Variants in ASAP2 observed in about 807,000 individuals in gnomAD.
The protein encoded by ASAP2 is arf-GAP with SH3 domain, ANK repeat and PH domain-containing protein 2.
Under a neutral mutation model 131.4 loss-of-function variants are expected in ASAP2, and 45 were observed. The ratio of observed to expected loss-of-function variants is 0.34; its 90% CI spans 0.27 to 0.44. The LOEUF is 0.44. ASAP2 is among the 20% of genes least tolerant of loss of function. The pLI is 1.00. For missense variants in ASAP2, 1,011 were observed against 1,297.0 expected (o/e 0.78, Z 3.39); for synonymous variants, 510 against 503.0 (o/e 1.01, Z -0.19).
chr2:9,355,873 G>A (rs987570460), intron 12 of ASAP2, among the ~76,000 whole-genome samples, 174 bp from the exon 13 acceptor site: 1 of 152,262 alleles, frequency 6.6e-6, no homozygotes, highest in African/African-American at 2.4e-5. Flanking sequence ...GAATGCCACC[G>A]TTGGTGAAGG....
At chr2:9,327,676 G>A (rs3811598) in intron 6 of ASAP2, 150 bp from the exon 7 acceptor site, 25 of 562,518 alleles carry the variant, frequency 4.4e-5, no homozygotes, top group African/African-American at 8.1e-5. Context: ...AAACGGTTAC[G>A]GAATCCAGGC....
At chr2:9,319,554 G>A (rs527650022) in intron 4 of ASAP2, among the ~76,000 whole-genome samples, 1 of 152,380 alleles carries the variant, frequency 6.6e-6, no homozygotes, top group South Asian at 2.1e-4. Flanking sequence ...AGTGCTGCAT[G>A]TCAGGCTGCC....
Position 9,393,478 on chromosome 2 carries a change from G to C in ASAP2, c.2519-4G>C. ...CTCTGCACGTCTCTCCCTGTCCTCC[G>C]CAGATCCCCTGACCCCCACGCCGCC... On this transcript the variant is annotated splice_region_variant and splice_polypyrimidine_tract_variant and intron_variant, in intron 23 of 27. Coordinates refer to ENST00000281419, the MANE Select transcript of ASAP2 (RefSeq NM_003887.3). The C allele has an allele frequency of 1.2e-6, 2 of 1,603,138 alleles. No homozygotes were observed. Among genetic ancestry groups the C allele is most frequent in the Non-Finnish European group, 1.7e-6 (2 of 1,175,112 alleles).
Position 9,380,809 on chromosome 2 carries a change from G to C in ASAP2, c.2016+1G>C. 3 of 1,613,944 alleles carry C rather than the reference G, an allele frequency of 1.9e-6. No homozygotes were observed. Among genetic ancestry groups the C allele is most frequent in the Non-Finnish European group, 2.5e-6 (3 of 1,179,974 alleles). On this transcript the variant is annotated splice_donor_variant, in intron 20 of 27. Transcript: ENST00000281419. LOFTEE classifies it high-confidence loss of function. The stretch of plus-strand genomic sequence containing the variant: ...CAAGCACGAGCACTGTGAGGAGCTG[G>C]TGAGTCTCCCACCACAAGGACGGGG...
chr2:9,358,728 C>T, intron 14 of ASAP2, 28 bp from the exon 15 acceptor site: 1 of 1,596,930 alleles, frequency 6.3e-7, no homozygotes, highest in Non-Finnish European at 8.5e-7. Context: ...TTACTGGAAG[C>T]TCAAATCTGC....
At chr2:9,277,477 A>G (rs532889437) in intron 1 of ASAP2, among the ~76,000 whole-genome samples, 2 of 152,392 alleles carry the variant, frequency 1.3e-5, no homozygotes, top group East Asian at 1.9e-4. Context: ...TTAACTCCAT[A>G]TAAGAAATCT....
Position 9,392,175 on chromosome 2 carries a change from C to T in ASAP2, c.2518+979C>T, listed in dbSNP as rs1675781141. ...CAGCCTGGCATGTTTTCTTTAATATCAACATGTGGTTGAAAGTCCTGAAAA... is the reference window on the plus strand; with the variant it reads ...CAGCCTGGCATGTTTTCTTTAATATTAACATGTGGTTGAAAGTCCTGAAAA... On this transcript the variant is annotated intron_variant, in intron 23 of 27. Coordinates refer to ENST00000281419, the MANE Select transcript of ASAP2 (RefSeq NM_003887.3). The surrounding 1 kb of genome is among the most constrained non-coding windows in gnomAD (Gnocchi z 4.0). Among the ~76,000 whole-genome samples, 1 of 152,218 alleles carries T rather than the reference C, an allele frequency of 6.6e-6. No individual in the cohort carries two copies. The highest frequency in any genetic ancestry group is 1.5e-5 in the Non-Finnish European group (1 of 68,034).
intron 21 of ASAP2, among the ~76,000 whole-genome samples, chr2:9,387,224 A>AAAAAAAAC (rs1675352587): frequency 4.0e-5 from 6 of 151,678 alleles, no homozygotes; most frequent in African/African-American, 1.5e-4. Flanking sequence ...AAAAAAAAAA[A>AAAAAAAAC]AAACCATATA....
intron 2 of ASAP2, among the ~76,000 whole-genome samples, chr2:9,291,434 A>G (rs1028692467): frequency 1.3e-5 from 2 of 152,236 alleles, no homozygotes; most frequent in Non-Finnish European, 2.9e-5. Context: ...TTGCATTCCC[A>G]TGAGATCATG....
chr2:9,363,162 G>A (rs1334612347), intron 15 of ASAP2, among the ~76,000 whole-genome samples: 8 of 152,114 alleles, frequency 5.3e-5, no homozygotes, highest in Non-Finnish European at 1.2e-4. Context: ...ATTCCATTAT[G>A]TATATATACC....
At chr2:9,266,356 A>G (rs1049150457) in intron 1 of ASAP2, among the ~76,000 whole-genome samples, 1 of 152,090 alleles carries the variant, frequency 6.6e-6, no homozygotes, top group Non-Finnish European at 1.5e-5. Context: ...TGTGTTGCCT[A>G]GGCCTGTCTG....
intron 23 of ASAP2, among the ~76,000 whole-genome samples, chr2:9,393,050 C>G (rs1296148602): frequency 6.6e-6 from 1 of 152,232 alleles, no homozygotes; most frequent in Non-Finnish European, 1.5e-5. Flanking sequence ...CAGATCCACC[C>G]TGCCCAGCAG....
At chr2:9,222,003 T>C (rs531899661) in intron 1 of ASAP2, among the ~76,000 whole-genome samples, 3 of 152,022 alleles carry the variant, frequency 2.0e-5, no homozygotes, top group Non-Finnish European at 4.4e-5. Context: ...GGTTTCACCA[T>C]GGTCTTGATC....
rs1676911234 is a variant in ASAP2 at position 9,403,300 on chromosome 2, G to A, written c.2994G>A (p.Val998=). 10 of 1,614,150 alleles carry A rather than the reference G, an allele frequency of 6.2e-6. No individual in the cohort carries two copies. Among genetic ancestry groups the A allele is most frequent in the African/African-American group, 1.3e-5 (1 of 75,046 alleles). ...CTGGTCGCAAAGGCGCATTCCCGGT[G>A]TCATTTGTGCACTTTATCGCTGACT... The part of the protein sequence containing the change: ...GDPGRKGAFP[V]SFVHFIAD The change falls in exon 28 of 28, where the codon GTG becomes GTA. Residue 998 remains valine, a synonymous_variant. Coordinates refer to ENST00000281419, the MANE Select transcript of ASAP2 (RefSeq NM_003887.3).
At chr2:9,235,451 A>G (rs963304919) in intron 1 of ASAP2, among the ~76,000 whole-genome samples, 25 of 152,304 alleles carry the variant, frequency 1.6e-4, no homozygotes, top group African/African-American at 6.0e-4. Flanking sequence ...CGCAGAGTTC[A>G]GATGTTGTTC....
intron 2 of ASAP2, among the ~76,000 whole-genome samples, chr2:9,296,746 C>T (rs1289368104): frequency 6.6e-6 from 1 of 152,090 alleles, no homozygotes; most frequent in African/African-American, 2.4e-5. Context: ...GGAAGGCTTC[C>T]TGGAGGAAGC....
rs114206547 is a variant in ASAP2 at position 9,311,921 on chromosome 2, G to A, written c.346-6603G>A. On this transcript the variant is annotated intron_variant, in intron 3 of 27. Coordinates refer to ENST00000281419, the MANE Select transcript of ASAP2 (RefSeq NM_003887.3). The surrounding 1 kb of genome is among the most constrained non-coding windows in gnomAD (Gnocchi z 5.2). ...CATACACCAAGCATGGAAAGGCAGA[G>A]GCAAGCAGGCTGATGTCCAGGAGTC... 5.8e-3 allele frequency among the ~76,000 whole-genome samples: 881 copies of A among 152,360 alleles called. 2 individuals are homozygous for A. The highest frequency in any genetic ancestry group is 0.017 in the African/African-American group (695 of 41,592).
chr2:9,279,609 G>A (rs755858325), intron 2 of ASAP2, among the ~76,000 whole-genome samples: 1 of 152,168 alleles, frequency 6.6e-6, no homozygotes, highest in Non-Finnish European at 1.5e-5. Flanking sequence ...GTCATCCCCT[G>A]TCATCCTCCG....
chr2:9,291,651 C>T (rs998299757), intron 2 of ASAP2, among the ~76,000 whole-genome samples: 1 of 152,176 alleles, frequency 6.6e-6, no homozygotes, highest in Non-Finnish European at 1.5e-5. Context: ...CTCCCTTCGC[C>T]GAGCTGTCTG....
Sources: allele counts gnomAD v4.1 joint callset (sites outside exome capture counted in the v4.1 genomes callset), GRCh38; gene constraint gnomAD v4.1.1; non-coding constraint Gnocchi (gnomAD v3.1); transcripts MANE v1.5; gene names NCBI Gene and HGNC (gene_info 2026-07-23, HGNC 2026-07-21).